Variants in SAMD5 observed in about 807,000 individuals in gnomAD.
SAMD5 encodes the protein sterile alpha motif domain containing 5, also known as sterile alpha motif domain-containing protein 5.
In SAMD5, 13 loss-of-function variants were observed where a neutral mutation model predicts 11.3. That is an observed-to-expected ratio of 1.15 (90% CI 0.75 to 1.83). SAMD5 has a LOEUF of 1.83. SAMD5 is among the 40% of genes most tolerant of loss of function. SAMD5 has a pLI of 0.00. For missense variants in SAMD5, 255 were observed against 239.1 expected (o/e 1.07, Z -0.44); for synonymous variants, 129 against 111.3 (o/e 1.16, Z -1.00).
chr6:147,863,698 C>T, the SAMD5 span, among the ~76,000 whole-genome samples: 18 of 151,640 alleles, frequency 1.2e-4, no homozygotes, highest in Admixed American at 2.6e-4. Flanking sequence ...TGACCTTTCA[C>T]GATGAACCTG....
intron 1 of SAMD5, among the ~76,000 whole-genome samples, chr6:147,615,126 A>G (rs1364739264): frequency 6.6e-6 from 1 of 152,006 alleles, no homozygotes; most frequent in African/African-American, 2.4e-5. Flanking sequence ...ACCACTTTAT[A>G]TAAGGGACTT....
rs189467557 is a variant in SAMD5, at chr6:147,641,407, C to A, written c.163-95910C>A. 3.9e-4 allele frequency among the ~76,000 whole-genome samples: 59 copies of A among 152,186 alleles called. No individual in the cohort carries two copies. In the East Asian group the frequency reaches 6.9e-3, roughly 18 times the overall value. On this transcript the variant is annotated intron_variant, in intron 1 of 1. Coordinates refer to the SAMD5 transcript ENST00000566741. Reference sequence around the variant, plus strand: ...CAATATATGTGATGGAGCAATTGACCTTTATTTGGAAGATGGACCTTTTGT... The same window carrying A: ...CAATATATGTGATGGAGCAATTGACATTTATTTGGAAGATGGACCTTTTGT...
At chr6:147,524,134 C>A (rs1172091103) in intron 1 of SAMD5, among the ~76,000 whole-genome samples, 3 of 152,032 alleles carry the variant, frequency 2.0e-5, no homozygotes, top group Non-Finnish European at 2.9e-5. Flanking sequence ...TAGTGTATTT[C>A]TCTCTCTCTT....
the SAMD5 span, among the ~76,000 whole-genome samples, chr6:147,871,893 T>C: frequency 6.6e-6 from 1 of 152,202 alleles, no homozygotes; most frequent in Non-Finnish European, 1.5e-5. Flanking sequence ...TATAGCGAAT[T>C]AAATCTGTAA....
rs2128445237 is a variant in SAMD5, at chr6:147,569,994, T to G, written c.*5538T>G. 5.1e-6 allele frequency: 5 copies of G among 984,848 alleles called. No individual in the cohort carries two copies. Among genetic ancestry groups the G allele is most frequent in the Middle Eastern group, 1.0e-3 (2 of 1,914 alleles). The allele number at this position is 984,848 out of a possible 1,614,324, so 61.0% of individuals were successfully genotyped here. ...GTGATTTGCAAACATATGTCCGCTC[T>G]TCAATAAATGTTACGGCTTTCACAG... On this transcript the variant is annotated 3_prime_UTR_variant, in exon 2 of 2. Coordinates refer to ENST00000367474, the MANE Select transcript of SAMD5 (RefSeq NM_001030060.3).
chr6:147,520,927 T>C (rs1788244210), intron 1 of SAMD5, among the ~76,000 whole-genome samples: 1 of 152,150 alleles, frequency 6.6e-6, no homozygotes, highest in South Asian at 2.1e-4. Flanking sequence ...TATTATTAAC[T>C]GTAGTTCCCA....
chr6:147,670,498 G>A (rs931374285), intron 1 of SAMD5, among the ~76,000 whole-genome samples: 4 of 152,328 alleles, frequency 2.6e-5, no homozygotes, highest in Admixed American at 1.3e-4. Flanking sequence ...CATGTACATT[G>A]AAACTCTGTT....
chr6:147,631,981 A>G (rs950616470), intron 1 of SAMD5, among the ~76,000 whole-genome samples: 2 of 152,168 alleles, frequency 1.3e-5, no homozygotes, highest in African/African-American at 4.8e-5. Context: ...GGCTATGAGG[A>G]TGGGAAGAGA....
chr6:147,819,545 G>A, the SAMD5 span, among the ~76,000 whole-genome samples: 1,379 of 152,320 alleles, frequency 9.1e-3, 14 homozygotes, highest in African/African-American at 0.032. Context: ...AGACAAAATT[G>A]TAGAAATAGA....
At chr6:147,888,882 TC>T in the SAMD5 span, among the ~76,000 whole-genome samples, 2 of 85,476 alleles carry the variant, frequency 2.3e-5, no homozygotes, top group Admixed American at 2.5e-4. Flanking sequence ...CAAAACTCCA[TC>T]TCAAAAAAAA....
In SAMD5 at chr6:147,540,466, T is replaced by A. The variant is rs796913416; in HGVS notation, c.460-23928T>A. 4.6e-5 allele frequency among the ~76,000 whole-genome samples: 7 copies of A among 152,280 alleles called. 1 individual carries two copies. The highest frequency in any genetic ancestry group is 1.7e-4 in the African/African-American group (7 of 41,554). On this transcript the variant is annotated intron_variant, in intron 1 of 1. Transcript: ENST00000367474. ...GAAACCAAGAGAAAGTATCCCCACATAGTCACAAGGTTAAGCTCTTAAGGA... is the reference window on the plus strand; with the variant it reads ...GAAACCAAGAGAAAGTATCCCCACAAAGTCACAAGGTTAAGCTCTTAAGGA...
At chr6:147,642,954 A>G (rs1268793360) in intron 1 of SAMD5, among the ~76,000 whole-genome samples, 1 of 152,188 alleles carries the variant, frequency 6.6e-6, no homozygotes, top group East Asian at 1.9e-4. Context: ...AGCACATGCC[A>G]CTGAGGTGTG....
At chr6:147,712,824 T>G (rs939916287) in intron 1 of SAMD5, among the ~76,000 whole-genome samples, 8 of 142,100 alleles carry the variant, frequency 5.6e-5, no homozygotes, top group Non-Finnish European at 9.0e-5. Context: ...AAAAAAAAAG[T>G]CTGTTGTTTA....
chr6:147,683,856 G>A (rs1412679990), intron 1 of SAMD5, among the ~76,000 whole-genome samples: 2 of 152,118 alleles, frequency 1.3e-5, no homozygotes, highest in South Asian at 2.1e-4. Context: ...AGGGTTTCTT[G>A]GACCATTTCA....
chr6:147,780,271 G>C, the SAMD5 span, among the ~76,000 whole-genome samples: 2 of 151,590 alleles, frequency 1.3e-5, no homozygotes, highest in Non-Finnish European at 2.9e-5. Flanking sequence ...ACAGTGGTGT[G>C]ATCTTGGCTC....
At chr6:147,925,502 T>A in the SAMD5 span, among the ~76,000 whole-genome samples, 1,049 of 152,026 alleles carry the variant, frequency 6.9e-3, 13 homozygotes, top group African/African-American at 0.024. Context: ...TTTTTTTTTT[T>A]AATTCAGGAG....
the SAMD5 span, among the ~76,000 whole-genome samples, chr6:147,908,463 G>A: frequency 6.6e-6 from 1 of 152,100 alleles, no homozygotes; most frequent in African/African-American, 2.4e-5. Context: ...TCTTCCATTG[G>A]CAAGACTCAA....
intron 1 of SAMD5, among the ~76,000 whole-genome samples, chr6:147,687,426 G>A (rs568916138): frequency 3.8e-4 from 57 of 151,596 alleles, no homozygotes; most frequent in African/African-American, 1.3e-3. Flanking sequence ...ACAGACATGC[G>A]CCACCATACC....
the SAMD5 span, among the ~76,000 whole-genome samples, chr6:147,815,713 T>G: frequency 6.6e-6 from 1 of 152,262 alleles, no homozygotes; most frequent in Middle Eastern, 3.4e-3. Context: ...GATCAGGAGC[T>G]TGATATTTGG....
Sources: allele counts gnomAD v4.1 joint callset (sites outside exome capture counted in the v4.1 genomes callset), GRCh38; gene constraint gnomAD v4.1.1; transcripts MANE v1.5; gene names NCBI Gene and HGNC (gene_info 2026-07-23, HGNC 2026-07-21).